UBAP2: variants seen among roughly 807,000 people sequenced by gnomAD.
UBAP2 encodes ubiquitin associated protein 2, also known as ubiquitin-associated protein 2.
Under a neutral mutation model 139.6 loss-of-function variants are expected in UBAP2, and 75 were observed. The ratio of observed to expected loss-of-function variants is 0.54; its 90% CI spans 0.45 to 0.65. The LOEUF is 0.65. UBAP2 is among the 30% of genes least tolerant of loss of function. The pLI is 0.00. For synonymous variants in UBAP2, 526 were observed against 526.2 expected (o/e 1.00, Z 0.01); for missense variants, 1,368 against 1,369.6 (o/e 1.00, Z 0.02).
intron 2 of UBAP2, among the ~76,000 whole-genome samples, chr9:34,016,486 A>T (rs1430907326): frequency 1.3e-5 from 2 of 152,012 alleles, no homozygotes; most frequent in Non-Finnish European, 1.5e-5. Flanking sequence ...AACAACATCC[A>T]ATTGTACCTG....
At position 33,939,418 on chromosome 9, in the gene UBAP2, C is replaced by T. The variant is rs139367591; in HGVS notation, c.1929+2231G>A. Among the ~76,000 whole-genome samples, 81 of 151,632 alleles carry T rather than the reference C, an allele frequency of 5.3e-4. No individual in the cohort carries two copies. In the East Asian group the frequency reaches 0.015, roughly 28 times the overall value. ...TTCACCATGTTGCCCAGGCTGGTCT[C>T]GAACTCCTGATCTCAGGTGATCTGC... is the stretch of plus-strand genomic sequence containing the variant. On this transcript the variant is annotated intron_variant, in intron 16 of 28. Coordinates refer to ENST00000379238, the MANE Select transcript of UBAP2 (RefSeq NM_001370062.2).
rs945821743 is a variant in UBAP2 at position 34,043,508 on chromosome 9, A to G, written c.-42+5317T>C. The stretch of plus-strand genomic sequence containing the variant: ...ATAAAAATCAGCAAGTATGCAAAGT[A>G]TGATCCTATTATTTATGGAGATAGG... On this transcript the variant is annotated intron_variant, in intron 1 of 28. Coordinates refer to ENST00000379238, the MANE Select transcript of UBAP2 (RefSeq NM_001370062.2). 2.6e-5 allele frequency among the ~76,000 whole-genome samples: 4 copies of G among 152,036 alleles called. No individual in the cohort carries two copies. The East Asian group carries it at 7.8e-4, about 30-fold the overall frequency.
intron 1 of UBAP2, among the ~76,000 whole-genome samples, chr9:34,030,242 G>A (rs2847309): frequency 0.6 from 91,339 of 151,756 alleles, 27,855 homozygotes; most frequent in East Asian, 0.81. Context: ...TCAGGAGATC[G>A]AGACCACCCT....
At chr9:34,026,196 A>C (rs981035261) in intron 1 of UBAP2, among the ~76,000 whole-genome samples, 2 of 152,234 alleles carry the variant, frequency 1.3e-5, no homozygotes, top group African/African-American at 4.8e-5. Flanking sequence ...ACATTTAATA[A>C]AAGTTTGAAC....
intron 15 of UBAP2, among the ~76,000 whole-genome samples, chr9:33,942,663 G>GA: frequency 1.3e-5 from 2 of 151,662 alleles, no homozygotes; most frequent in East Asian, 3.9e-4. Flanking sequence ...CTGGGAGGCA[G>GA]AGGTTGCAGC....
chr9:33,987,884 GT>G (rs1821351651), intron 5 of UBAP2, among the ~76,000 whole-genome samples: 1 of 152,072 alleles, frequency 6.6e-6, no homozygotes, highest in Non-Finnish European at 1.5e-5. Flanking sequence ...TTGGAGTTGG[GT>G]TTTTCTAGGA....
At chr9:33,922,661 G>T in intron 28 of UBAP2, 26 bp downstream of exon 28, 2 of 1,579,298 alleles carry the variant, frequency 1.3e-6, no homozygotes, top group Non-Finnish European at 1.7e-6. Flanking sequence ...CCAGAGTAGG[G>T]TGGCTGCCTC....
intron 1 of UBAP2, among the ~76,000 whole-genome samples, chr9:34,046,436 G>A (rs1478466329): frequency 2.0e-5 from 3 of 151,928 alleles, no homozygotes; most frequent in East Asian, 1.9e-4. Context: ...GGGGTCAGGA[G>A]ATCAAGACCA....
intron 8 of UBAP2, chr9:33,968,209 C>A (rs1827617008): frequency 1.6e-6 from 1 of 618,122 alleles, no homozygotes; most frequent in East Asian, 3.9e-5. Flanking sequence ...TCGATTGGTA[C>A]AGGATTATGA....
intron 19 of UBAP2, 60 bp from the exon 20 acceptor site, chr9:33,928,052 G>A: frequency 1.3e-6 from 2 of 1,525,286 alleles, no homozygotes; most frequent in Non-Finnish European, 8.8e-7. Flanking sequence ...GTGCTGGGGA[G>A]AGCCTGGCCT....
In UBAP2 at chr9:33,923,872, G is replaced by A. The variant is rs1373549523; in HGVS notation, c.2719C>T (p.Pro907Ser). Residue 907 changes from proline to serine, a missense_variant, in exon 24 of 29, where the codon CCA (proline) becomes TCA (serine). Physicochemically the swap from Pro to Ser is moderately conservative, Grantham distance 74. Transcript: ENST00000379238. ...AQQPFVNPALPPGYSYTGLPY... is the reference protein window; with the variant it reads ...AQQPFVNPALSPGYSYTGLPY... ...AGACCAGTGTAGCTATAGCCAGGTG[G>A]CAGTGCAGGATTCACGAAGGGCTGC... 1 of 1,614,124 alleles carries A rather than the reference G, an allele frequency of 6.2e-7. No individual in the cohort carries two copies. The highest frequency in any genetic ancestry group is 2.2e-5 in the East Asian group (1 of 44,878).
intron 2 of UBAP2, among the ~76,000 whole-genome samples, chr9:34,016,367 C>T (rs1018327870): frequency 0.013 from 133 of 10,442 alleles, 5 homozygotes; most frequent in Admixed American, 0.018. Context: ...GCGGCGGCAG[C>T]GGCGGTGGTG....
At chr9:33,947,690 C>T (rs555927398) in intron 13 of UBAP2, among the ~76,000 whole-genome samples, 13 of 151,704 alleles carry the variant, frequency 8.6e-5, no homozygotes, top group Non-Finnish European at 1.8e-4. Context: ...CCAGGAGTGA[C>T]GGCATGTGCC....
At chr9:33,979,479 G>A (rs779833256) in intron 6 of UBAP2, among the ~76,000 whole-genome samples, 1 of 152,192 alleles carries the variant, frequency 6.6e-6, no homozygotes, top group Non-Finnish European at 1.5e-5. Flanking sequence ...GGAGGCTGAG[G>A]CAGGAGAATT....
chr9:33,963,170 A>C (rs1399660078), intron 9 of UBAP2, among the ~76,000 whole-genome samples: 1 of 152,158 alleles, frequency 6.6e-6, no homozygotes, highest in Non-Finnish European at 1.5e-5. Flanking sequence ...AGATAGTTAT[A>C]AGCAGAGATG....
At chr9:34,005,256 G>A (rs1481243740) in intron 2 of UBAP2, among the ~76,000 whole-genome samples, 2 of 144,674 alleles carry the variant, frequency 1.4e-5, no homozygotes, top group African/African-American at 2.5e-5. Context: ...GAGTGAAACT[G>A]TGTCTCAAGA....
chr9:33,971,489 T>C (rs307679), intron 8 of UBAP2, among the ~76,000 whole-genome samples, 162 bp downstream of exon 8: 4,719 of 152,322 alleles, frequency 0.031, 159 homozygotes, highest in East Asian at 0.089. Flanking sequence ...TGACAGACTT[T>C]GGGTGGTAAG....
At chr9:34,023,688 T>G (rs752749476) in intron 1 of UBAP2, among the ~76,000 whole-genome samples, 39 of 152,202 alleles carry the variant, frequency 2.6e-4, no homozygotes, top group Non-Finnish European at 5.0e-4. Flanking sequence ...TTTCTCTTAA[T>G]TAAGGTTTAC....
chr9:33,942,726 T>C (rs1282601970), intron 15 of UBAP2, among the ~76,000 whole-genome samples: 1 of 103,502 alleles, frequency 9.7e-6, no homozygotes, highest in Non-Finnish European at 2.2e-5. Flanking sequence ...AGACCCTATC[T>C]CAAAAAAAAA....
Sources: allele counts gnomAD v4.1 joint callset (sites outside exome capture counted in the v4.1 genomes callset), GRCh38; gene constraint gnomAD v4.1.1; transcripts MANE v1.5; gene names NCBI Gene and HGNC (gene_info 2026-07-23, HGNC 2026-07-21).